TENM2: variants seen among roughly 807,000 people sequenced by gnomAD.
The protein encoded by TENM2 is teneurin transmembrane protein 2, also known as teneurin-2.
A neutral mutation model predicts 245.2 loss-of-function variants in TENM2; 52 were observed. The ratio of observed to expected loss-of-function variants is 0.21; its 90% CI spans 0.17 to 0.27. TENM2 has a LOEUF of 0.27. TENM2 is among the 10% of genes least tolerant of loss of function. TENM2 has a pLI of 1.00. For missense variants in TENM2, 3,046 were observed against 3,666.8 expected (o/e 0.83, Z 4.37); for synonymous variants, 1,363 against 1,438.9 (o/e 0.95, Z 1.19).
At position 168,218,757 on chromosome 5, in the gene TENM2, C is replaced by T; in HGVS notation, c.4866C>T (p.Asp1622=). ...TGTACAATTTCACATATAGTACTGA[C>T]AATGATGTCACTGAATTGATTGACA... Residue 1622 remains aspartate (D), a synonymous_variant, in exon 23 of 29, where the codon GAC becomes GAT. Coordinates refer to ENST00000518659, the Ensembl canonical transcript of TENM2. This position sits in a 1 kb window ranked among gnomAD's most constrained non-coding sequence, Gnocchi z 5.2. The T allele has an allele frequency of 6.2e-7, 1 of 1,613,972 alleles. No individual in the cohort carries two copies. The highest frequency in any genetic ancestry group is 8.5e-7 in the Non-Finnish European group (1 of 1,179,884).
chr5:167,654,160 G>A (rs1051453515), intron 2 of TENM2, among the ~76,000 whole-genome samples: 1 of 151,606 alleles, frequency 6.6e-6, no homozygotes, highest in African/African-American at 2.4e-5. Context: ...CCAGTTCAAT[G>A]CGGTTTTTCT....
intron 2 of TENM2, among the ~76,000 whole-genome samples, chr5:167,833,212 T>C (rs1255964914): frequency 1.3e-5 from 2 of 152,206 alleles, no homozygotes; most frequent in African/African-American, 2.4e-5. Context: ...AATTTTATAA[T>C]GAAATATTTT....
chr5:167,501,346 A>G (rs1769198704), intron 2 of TENM2, among the ~76,000 whole-genome samples: 1 of 152,038 alleles, frequency 6.6e-6, no homozygotes, highest in Non-Finnish European at 1.5e-5. Flanking sequence ...GCACTTGAAA[A>G]CAGGAAGCAT....
the TENM2 span, among the ~76,000 whole-genome samples, chr5:167,061,091 AACACACAC>A: frequency 0.17 from 24,777 of 149,526 alleles, 3,108 homozygotes; most frequent in East Asian, 0.38. Flanking sequence ...CTCTCTCCAA[AACACACAC>A]ACACACACAC....
intron 27 of TENM2, among the ~76,000 whole-genome samples, chr5:168,257,730 C>T (rs1767804110): frequency 6.6e-6 from 1 of 152,028 alleles, no homozygotes; most frequent in East Asian, 1.9e-4. Context: ...ATTCTCCTGC[C>T]TCAGCCTCCC....
exon 1 of TENM2, chr5:167,285,040 A>G (rs1483086467): frequency 3.2e-6 from 5 of 1,552,008 alleles, no homozygotes; most frequent in Non-Finnish European, 3.5e-6. Flanking sequence ...ATCCACCGGG[A>G]GTCAGATGAG....
At chr5:168,226,414 C>A (rs553468642) in intron 24 of TENM2, among the ~76,000 whole-genome samples, 151 bp downstream of exon 26, 2 of 152,122 alleles carry the variant, frequency 1.3e-5, no homozygotes, top group African/African-American at 4.8e-5. Flanking sequence ...CCACAGCAAA[C>A]TATAAGAGGT....
At chr5:167,947,654 G>A (rs1779741411) in intron 3 of TENM2, among the ~76,000 whole-genome samples, 1 of 152,196 alleles carries the variant, frequency 6.6e-6, no homozygotes, top group African/African-American at 2.4e-5. Context: ...AGATTCTCAA[G>A]TCTCTGCCAA....
At chr5:167,400,183 C>T (rs967064362) in intron 2 of TENM2, among the ~76,000 whole-genome samples, 1 of 152,020 alleles carries the variant, frequency 6.6e-6, no homozygotes, top group Admixed American at 6.6e-5. Context: ...CTGAGAGAAG[C>T]AGGACTTGAA....
intron 2 of TENM2, among the ~76,000 whole-genome samples, chr5:167,378,061 A>T (rs1760871632): frequency 6.6e-6 from 1 of 151,712 alleles, no homozygotes; most frequent in Admixed American, 6.6e-5. Flanking sequence ...TTTTAATTTC[A>T]TTTCTTGGTG....
chr5:167,677,379 T>C (rs573148068), intron 2 of TENM2, among the ~76,000 whole-genome samples: 2 of 151,968 alleles, frequency 1.3e-5, no homozygotes, highest in Non-Finnish European at 2.9e-5. Flanking sequence ...AGTACTGGAA[T>C]AGATGAGGTA....
intron 1 of TENM2, among the ~76,000 whole-genome samples, chr5:167,336,161 T>C (rs1260301102): frequency 6.6e-6 from 1 of 150,810 alleles, no homozygotes. Context: ...TCATCCAATG[T>C]TCTTTTCATT....
At chr5:167,477,050 A>G (rs2127522448) in intron 2 of TENM2, among the ~76,000 whole-genome samples, 1 of 152,358 alleles carries the variant, frequency 6.6e-6, no homozygotes, top group South Asian at 2.1e-4. Flanking sequence ...GCTCAGAACT[A>G]AAACAATCAT....
chr5:167,611,069 A>G (rs1030808553), intron 2 of TENM2, among the ~76,000 whole-genome samples: 9 of 152,198 alleles, frequency 5.9e-5, no homozygotes, highest in African/African-American at 2.2e-4. Flanking sequence ...CATGCCCACT[A>G]TAGTAGCTGT....
intron 9 of TENM2, among the ~76,000 whole-genome samples, chr5:168,115,403 A>AG (rs779676138): frequency 1.9e-5 from 2 of 106,512 alleles, no homozygotes; most frequent in African/African-American, 3.9e-5. Context: ...GAAGGAAGGA[A>AG]GGAAGGGAAA....
At chr5:167,630,811 C>A (rs558882824) in intron 2 of TENM2, among the ~76,000 whole-genome samples, 1 of 152,192 alleles carries the variant, frequency 6.6e-6, no homozygotes, top group African/African-American at 2.4e-5. Context: ...ATACTTGGAG[C>A]TATATCTGTG....
At chr5:167,753,496 G>A (rs1762092361) in intron 2 of TENM2, among the ~76,000 whole-genome samples, 1 of 152,142 alleles carries the variant, frequency 6.6e-6, no homozygotes, top group Admixed American at 6.5e-5. Context: ...GGAAGAGACT[G>A]GATGTTGGTA....
chr5:167,486,669 C>G (rs1434823851), intron 2 of TENM2, among the ~76,000 whole-genome samples: 3 of 152,098 alleles, frequency 2.0e-5, no homozygotes, highest in African/African-American at 7.2e-5. Flanking sequence ...TACTAGTGCA[C>G]TGATATATGC....
chr5:167,558,305 A>C (rs549046474), intron 2 of TENM2, among the ~76,000 whole-genome samples: 1 of 152,372 alleles, frequency 6.6e-6, no homozygotes, highest in East Asian at 1.9e-4. Flanking sequence ...GTTTATTTTA[A>C]TATTTTAGCA....
Sources: allele counts gnomAD v4.1 joint callset (sites outside exome capture counted in the v4.1 genomes callset), GRCh38; gene constraint gnomAD v4.1.1; non-coding constraint Gnocchi (gnomAD v3.1); transcripts MANE v1.5; gene names NCBI Gene and HGNC (gene_info 2026-07-23, HGNC 2026-07-21).